AVEN: variants seen among roughly 807,000 people sequenced by gnomAD.
AVEN encodes the protein apoptosis and caspase activation inhibitor, also known as cell death regulator Aven.
In AVEN, 41 loss-of-function variants were observed where a neutral mutation model predicts 38.1. That is an observed-to-expected ratio of 1.08 (90% CI 0.84 to 1.40). AVEN has a LOEUF of 1.40. AVEN is among the 40% of genes most tolerant of loss of function. AVEN has a pLI of 0.00. For synonymous variants in AVEN, 206 were observed against 171.8 expected (o/e 1.20, Z -1.56); for missense variants, 605 against 438.8 (o/e 1.38, Z -3.38).
At chr15:33,865,282 T>C, downstream of AVEN, 1 of 1,299,592 alleles carries the variant, frequency 7.7e-7, no homozygotes, top group Non-Finnish European at 1.1e-6. Flanking sequence ...TGAAATAAAG[T>C]CCCCTTTTTA....
At chr15:33,980,527 G>T (rs754246054) in intron 2 of AVEN, among the ~76,000 whole-genome samples, 4 of 152,126 alleles carry the variant, frequency 2.6e-5, no homozygotes, top group Non-Finnish European at 5.9e-5. Flanking sequence ...CACAAACTAC[G>T]AATATTAAAT....
chr15:33,926,633 A>C (rs1893616534), intron 2 of AVEN, among the ~76,000 whole-genome samples: 1 of 152,142 alleles, frequency 6.6e-6, no homozygotes, highest in Non-Finnish European at 1.5e-5. Context: ...CAACATAACC[A>C]GACCCTGTCT....
chr15:33,899,168 A>AAAAACAGCTCCCTTTT lies in AVEN; in HGVS notation c.446-23174_446-23173insAAAAGGGAGCTGTTTT, dbSNP rs71117192. Among the ~76,000 whole-genome samples, 4 of 151,610 alleles carry AAAAACAGCTCCCTTTT rather than the reference A, an allele frequency of 2.6e-5. No individual in the cohort carries two copies. The South Asian group carries it at 8.3e-4, about 31-fold the overall frequency. Reference sequence around the variant, plus strand: ...GACCACTGAGAGAGTTAACTGTGGTACTCACCTCTGCCCCTATGACACAGT... The same window carrying AAAAACAGCTCCCTTTT: ...GACCACTGAGAGAGTTAACTGTGGTAAAAACAGCTCCCTTTTCTCACCTCTGCCCCTATGACACAGT... On this transcript the variant is annotated intron_variant, in intron 2 of 5. Coordinates refer to ENST00000306730, the MANE Select transcript of AVEN (RefSeq NM_020371.3).
chr15:33,930,341 CAAAA>C (rs10610430), intron 2 of AVEN, among the ~76,000 whole-genome samples: 1 of 141,418 alleles, frequency 7.1e-6, no homozygotes, highest in Non-Finnish European at 1.6e-5. Flanking sequence ...CCATCTAGGA[CAAAA>C]AAAAAAAAAA....
At chr15:33,970,249 T>C (rs529652521) in intron 2 of AVEN, among the ~76,000 whole-genome samples, 57 of 152,028 alleles carry the variant, frequency 3.7e-4, no homozygotes, top group Non-Finnish European at 3.4e-4. Flanking sequence ...TTTCAAATTT[T>C]AGTTAAGGGA....
chr15:34,041,702 C>T (rs973862747), upstream of AVEN, among the ~76,000 whole-genome samples: 2 of 152,150 alleles, frequency 1.3e-5, no homozygotes, highest in African/African-American at 4.8e-5. Flanking sequence ...TGATACTATT[C>T]TAAGCACTTT....
intron 2 of AVEN, among the ~76,000 whole-genome samples, chr15:34,068,706 A>T (rs1900567731): frequency 6.6e-6 from 1 of 152,126 alleles, no homozygotes; most frequent in East Asian, 1.9e-4. Context: ...CTAATCCAGG[A>T]TCACACATTG....
intron 5 of AVEN, among the ~76,000 whole-genome samples, chr15:34,050,355 C>A (rs1317233369): frequency 6.6e-6 from 1 of 152,130 alleles, no homozygotes; most frequent in Non-Finnish European, 1.5e-5. Flanking sequence ...ATATTAAGCA[C>A]TAAATATGGA....
chr15:33,934,811 A>C (rs1893998206), intron 2 of AVEN, among the ~76,000 whole-genome samples: 1 of 152,200 alleles, frequency 6.6e-6, no homozygotes, highest in Non-Finnish European at 1.5e-5. Context: ...CCTGAGCTCT[A>C]TCACTTTCCA....
intron 2 of AVEN, among the ~76,000 whole-genome samples, chr15:33,906,233 GGAAAT>G (rs1892695133): frequency 6.6e-6 from 1 of 152,122 alleles, no homozygotes; most frequent in Admixed American, 6.6e-5. Context: ...ACAACAAAGA[GGAAAT>G]GAAACATGCA....
intron 5 of AVEN, among the ~76,000 whole-genome samples, chr15:34,049,771 G>A (rs1251739932): frequency 6.6e-6 from 1 of 151,830 alleles, no homozygotes; most frequent in Non-Finnish European, 1.5e-5. Context: ...AAAATATTAA[G>A]GGCAGCCAGA....
chr15:33,960,047 G>T lies in AVEN; in HGVS notation c.445+42985C>A, dbSNP rs76336984. On this transcript the variant is annotated intron_variant, in intron 2 of 5. Transcript: ENST00000306730. ...GAAAAGGCAAGGCAAGGGCCTTGTC[G>T]GATGACCCTTCAGAGCCTCAACTTC... Among the ~76,000 whole-genome samples the T allele has an allele frequency of 6.6e-5, 10 of 152,264 alleles. No homozygotes were observed. The South Asian group carries it at 1.9e-3, about 28-fold the overall frequency.
chr15:34,001,916 C>A (rs1897151732), intron 2 of AVEN, among the ~76,000 whole-genome samples: 1 of 152,134 alleles, frequency 6.6e-6, no homozygotes, highest in African/African-American at 2.4e-5. Flanking sequence ...TCAAAGCAGT[C>A]CCAAAGTATT....
At chr15:34,047,614 T>TA (rs1392539250) in intron 5 of AVEN, among the ~76,000 whole-genome samples, 1 of 151,416 alleles carries the variant, frequency 6.6e-6, no homozygotes, top group African/African-American at 2.4e-5. Context: ...GGATGACTGT[T>TA]ACCTCTGTGG....
chr15:33,980,884 T>G (rs912220469), intron 2 of AVEN, among the ~76,000 whole-genome samples: 1 of 152,132 alleles, frequency 6.6e-6, no homozygotes, highest in African/African-American at 2.4e-5. Flanking sequence ...AAAATACAGC[T>G]AAATGTAGCC....
chr15:33,877,801 T>C (rs2153036783), intron 2 of AVEN, among the ~76,000 whole-genome samples: 1 of 150,944 alleles, frequency 6.6e-6, no homozygotes, highest in Admixed American at 6.6e-5. Context: ...ATACAAAAAA[T>C]AGCCGAGCAT....
At chr15:33,923,986 A>C (rs1453055346) in intron 2 of AVEN, among the ~76,000 whole-genome samples, 1 of 151,102 alleles carries the variant, frequency 6.6e-6, no homozygotes, top group Non-Finnish European at 1.5e-5. Context: ...TGAGTTGTAA[A>C]ATTATTTCAC....
rs749849195 is a variant in AVEN at position 34,003,173 on chromosome 15, C to CT, written c.303dup (p.Glu102ArgfsTer3). The CT allele has an allele frequency of 6.2e-7, 1 of 1,613,756 alleles. No homozygotes were observed. ...GAATAATTTCCCTGTTCATCATTCT[C>CT]TTCTCCATAGGTCTCTGCATCGCTG... On this transcript the variant is annotated frameshift_variant, in exon 2 of 6. Transcript: ENST00000306730. LOFTEE classifies it high-confidence loss of function.
At chr15:34,002,316 C>T (rs958148909) in intron 2 of AVEN, among the ~76,000 whole-genome samples, 4 of 152,098 alleles carry the variant, frequency 2.6e-5, no homozygotes, top group African/African-American at 9.7e-5. Context: ...TAAGCACATC[C>T]GCCTCCCACC....
Sources: allele counts gnomAD v4.1 joint callset (sites outside exome capture counted in the v4.1 genomes callset), GRCh38; gene constraint gnomAD v4.1.1; transcripts MANE v1.5; gene names NCBI Gene and HGNC (gene_info 2026-07-23, HGNC 2026-07-21).